Variants in PTPRT observed in about 807,000 individuals in gnomAD.
The protein encoded by PTPRT is receptor-type tyrosine-protein phosphatase T.
A neutral mutation model predicts 176.8 loss-of-function variants in PTPRT; 56 were observed. The ratio of observed to expected loss-of-function variants is 0.32; its 90% CI spans 0.26 to 0.40. The LOEUF is 0.40. Among genes scored for constraint, PTPRT ranks in the 10% least tolerant of loss-of-function variants. The pLI is 1.00. For missense variants in PTPRT, 1,540 were observed against 1,908.2 expected (o/e 0.81, Z 3.60); for synonymous variants, 783 against 739.0 (o/e 1.06, Z -0.96).
chr20:42,941,078 T>A (rs531976250), intron 1 of PTPRT, among the ~76,000 whole-genome samples: 1 of 148,490 alleles, frequency 6.7e-6, no homozygotes, highest in Non-Finnish European at 1.5e-5. Flanking sequence ...CAAGACTCCA[T>A]CTCAAAAAAA....
At chr20:42,680,904 T>G (rs964239530) in intron 6 of PTPRT, among the ~76,000 whole-genome samples, 2 of 152,234 alleles carry the variant, frequency 1.3e-5, no homozygotes, top group African/African-American at 2.4e-5. Flanking sequence ...CACATTTGTG[T>G]GCAGATTAGC....
intron 15 of PTPRT, among the ~76,000 whole-genome samples, chr20:42,210,141 C>T (rs1024775225): frequency 1.9e-4 from 29 of 152,278 alleles, no homozygotes; most frequent in East Asian, 1.3e-3. Flanking sequence ...ATTAATGGGA[C>T]GTATTTCAAA....
At chr20:42,989,417 T>G (rs1259094331) in intron 1 of PTPRT, among the ~76,000 whole-genome samples, 4 of 152,250 alleles carry the variant, frequency 2.6e-5, no homozygotes, top group African/African-American at 9.6e-5. Flanking sequence ...AGTATCACTT[T>G]AGCAGTTAGC....
chr20:43,139,825 G>A (rs927956401), intron 1 of PTPRT, among the ~76,000 whole-genome samples: 2 of 152,212 alleles, frequency 1.3e-5, no homozygotes, highest in Non-Finnish European at 2.9e-5. Flanking sequence ...TTTAGAAGTG[G>A]AGCAGCATCG....
At chr20:42,441,919 T>C (rs6030245) in intron 9 of PTPRT, among the ~76,000 whole-genome samples, 45,797 of 152,106 alleles carry the variant, frequency 0.3, 7,600 homozygotes, top group East Asian at 0.47. Context: ...TATGCAAATT[T>C]TTGCTTTGGG....
chr20:42,458,408 G>A (rs1037079609), intron 8 of PTPRT, among the ~76,000 whole-genome samples: 1 of 152,078 alleles, frequency 6.6e-6, no homozygotes, highest in African/African-American at 2.4e-5. Context: ...GCTGCTTAAT[G>A]TCTCTGTGTC....
intron 13 of PTPRT, among the ~76,000 whole-genome samples, chr20:42,259,778 A>C (rs73254742): frequency 6.6e-6 from 1 of 152,192 alleles, no homozygotes; most frequent in South Asian, 2.1e-4. Flanking sequence ...GTCAGTCTGC[A>C]TCCATGGTGG....
At chr20:42,451,057 T>G (rs1277767994) in intron 8 of PTPRT, among the ~76,000 whole-genome samples, 1 of 151,998 alleles carries the variant, frequency 6.6e-6, no homozygotes, top group African/African-American at 2.4e-5. Flanking sequence ...GTGGACAGCT[T>G]TGTGAGGTTG....
intron 6 of PTPRT, among the ~76,000 whole-genome samples, chr20:42,703,731 A>T (rs1453516157): frequency 6.6e-6 from 1 of 152,198 alleles, no homozygotes; most frequent in Non-Finnish European, 1.5e-5. Context: ...GAATCCAAGG[A>T]ACAGTCACTT....
intron 7 of PTPRT, among the ~76,000 whole-genome samples, chr20:42,480,797 T>G (rs1334693069): frequency 6.6e-6 from 1 of 152,192 alleles, no homozygotes. Context: ...TGAACGAGGA[T>G]TAACGATTCC....
intron 1 of PTPRT, among the ~76,000 whole-genome samples, chr20:43,002,186 G>A (rs551150418): frequency 5.9e-5 from 9 of 152,224 alleles, no homozygotes; most frequent in South Asian, 2.1e-4. Flanking sequence ...TAAGTTTCCC[G>A]AGGCCTCCCT....
At chr20:42,604,170 G>A (rs2073832587) in intron 7 of PTPRT, among the ~76,000 whole-genome samples, 1 of 152,100 alleles carries the variant, frequency 6.6e-6, no homozygotes, top group African/African-American at 2.4e-5. Flanking sequence ...GAAGCTGGAC[G>A]GCCTTGAGTC....
At position 42,665,706 on chromosome 20, in the gene PTPRT, G is replaced by A. The variant is rs151244418; in HGVS notation, c.1153+12160C>T. ...TTGGAACCAACCCAAATGTCCAACA[G>A]TGATAGACTGGATTAAGAAAATGTG... On this transcript the variant is annotated intron_variant, in intron 7 of 30. Transcript: ENST00000373187. 9.0e-3 allele frequency among the ~76,000 whole-genome samples: 1,367 copies of A among 152,184 alleles called. 23 individuals are homozygous for A. The highest frequency in any genetic ancestry group is 0.032 in the African/African-American group (1,318 of 41,502).
At chr20:42,779,717 A>T (rs1486348882) in intron 4 of PTPRT, among the ~76,000 whole-genome samples, 1 of 152,186 alleles carries the variant, frequency 6.6e-6, no homozygotes, top group Non-Finnish European at 1.5e-5. Flanking sequence ...ACTAACCACT[A>T]TGAGAAATCT....
chr20:42,808,258 T>A (rs2077642415), intron 2 of PTPRT, among the ~76,000 whole-genome samples: 1 of 152,084 alleles, frequency 6.6e-6, no homozygotes, highest in Non-Finnish European at 1.5e-5. Context: ...CCAATAAACA[T>A]CCTAATAAAC....
chr20:42,118,159 A>T (rs1443872351), intron 21 of PTPRT, among the ~76,000 whole-genome samples: 1 of 152,200 alleles, frequency 6.6e-6, no homozygotes, highest in African/African-American at 2.4e-5. Context: ...TGATGGTTTT[A>T]ATTTCCTCAA....
chr20:42,131,434 A>C (rs1037459493), intron 18 of PTPRT, among the ~76,000 whole-genome samples: 6 of 152,250 alleles, frequency 3.9e-5, no homozygotes, highest in Non-Finnish European at 5.9e-5. Context: ...GGCCCATAGC[A>C]CTGGAAACAG....
At chr20:42,448,457 G>A in intron 8 of PTPRT, 128 bp from the exon 9 acceptor site, 1 of 681,148 alleles carries the variant, frequency 1.5e-6, no homozygotes, top group Non-Finnish European at 2.6e-6. Flanking sequence ...GGTCTGATGG[G>A]CTGTACGTTC....
At chr20:43,055,512 G>A (rs1221890661) in intron 1 of PTPRT, among the ~76,000 whole-genome samples, 1 of 152,132 alleles carries the variant, frequency 6.6e-6, no homozygotes, top group East Asian at 1.9e-4. Flanking sequence ...TTGTGGGCTG[G>A]GCCAAGACAA....
Sources: gnomAD v4.1 joint callset for allele counts (sites outside exome capture counted in the v4.1 genomes callset) on GRCh38, gnomAD v4.1.1 for gene constraint, MANE v1.5 for transcripts, NCBI Gene and HGNC (gene_info 2026-07-23, HGNC 2026-07-21) for gene names.